The following MAP3K14 variants were observed in gnomAD, a reference collection of about 807,000 sequenced individuals.
MAP3K14 encodes the protein mitogen-activated protein kinase kinase kinase 14, also known as NF-kappa-beta-inducing kinase.
Under a neutral mutation model 99.2 loss-of-function variants are expected in MAP3K14, and 16 were observed. The ratio of observed to expected loss-of-function variants is 0.16; its 90% confidence interval spans 0.11 to 0.24. The LOEUF (loss-of-function observed/expected upper bound fraction) is 0.24. Among genes scored for constraint, MAP3K14 ranks in the 10% least tolerant of loss-of-function variants. The pLI is 1.00. For synonymous variants in MAP3K14, 462 were observed against 492.4 expected (o/e 0.94, Z 0.82); for missense variants, 784 against 1,208.7 (o/e 0.65, Z 5.21).
At chr17:45,312,040 G>A (rs1338297617) in intron 1 of MAP3K14, among the ~76,000 whole-genome samples, 2 of 152,212 alleles carry the variant, frequency 1.3e-5, no homozygotes, top group Non-Finnish European at 2.9e-5. Context: ...ATAGCCCTGG[G>A]GCTGGGATGA....
chr17:45,298,419 T>C (rs1170700718), intron 1 of MAP3K14, among the ~76,000 whole-genome samples: 2 of 152,156 alleles, frequency 1.3e-5, no homozygotes, highest in Non-Finnish European at 2.9e-5. Flanking sequence ...CCAGATTGGA[T>C]TTTAAAAGAT....
At chr17:45,301,168 A>G (rs1420850324) in intron 1 of MAP3K14, among the ~76,000 whole-genome samples, 2 of 129,604 alleles carry the variant, frequency 1.5e-5, no homozygotes, top group East Asian at 2.0e-4. Flanking sequence ...ATCCTGTTTC[A>G]AAAAAAAAAA....
At chr17:45,270,125 T>C (rs184771393) in intron 11 of MAP3K14, among the ~76,000 whole-genome samples, 2 of 152,296 alleles carry the variant, frequency 1.3e-5, no homozygotes, top group Non-Finnish European at 2.9e-5. Flanking sequence ...TCCCCACACA[T>C]GTGGTCACAG....
chr17:45,313,912 T>C (rs2044505918), intron 1 of MAP3K14, among the ~76,000 whole-genome samples: 1 of 152,202 alleles, frequency 6.6e-6, no homozygotes. Context: ...TTTCTCCTTA[T>C]GAGGCTTCAC....
intron 6 of MAP3K14, among the ~76,000 whole-genome samples, chr17:45,283,854 T>C (rs1369879525): frequency 6.6e-6 from 1 of 152,094 alleles, no homozygotes; most frequent in African/African-American, 2.4e-5. Context: ...GCGCCTTAGG[T>C]CCTGGTGCTG....
chr17:45,313,500 G>A (rs1233737083), intron 1 of MAP3K14, among the ~76,000 whole-genome samples: 3 of 152,066 alleles, frequency 2.0e-5, no homozygotes, highest in African/African-American at 7.2e-5. Context: ...ATTTGCTTGC[G>A]GGCACACAGG....
Position 45,289,224 on chromosome 17 carries a change from TC to T in MAP3K14, c.326+11del. On this transcript the variant is annotated intron_variant, in intron 3 of 15. Transcript: ENST00000344686. ...CCCCACCTTCCCACTCAGGCTTGTC[TC>T]CCCTGCTTACCTGTACTGTTTGGAC... The T allele has an allele frequency of 6.2e-7, 1 of 1,613,312 alleles. No homozygotes were observed. Among genetic ancestry groups the T allele is most frequent in the East Asian group, 2.2e-5 (1 of 44,864 alleles).
rs1239351334 is a variant in MAP3K14, at chr17:45,286,384, C to T, written c.1152+47G>A. The T allele has an allele frequency of 2.6e-6, 4 of 1,512,132 alleles. No homozygotes were observed. In the East Asian group the frequency reaches 9.3e-5, roughly 35 times the overall value. 93.7% of individuals were successfully genotyped at this position (1,512,132 alleles called of 1,614,324 possible). A position where few individuals can be genotyped will look rare whatever the true frequency, so the allele number is the denominator to read the frequency against. On this transcript the variant is annotated intron_variant, in intron 5 of 15. Transcript: ENST00000344686. This position sits in a 1 kb window ranked among gnomAD's most constrained non-coding sequence, Gnocchi z 4.1. ...CTGATAAAGAGAGAAAAGCATCCCC[C>T]AGGTTGCTGGTAGAGGGACATATAC...
intron 1 of MAP3K14, among the ~76,000 whole-genome samples, chr17:45,296,469 C>G (rs753345913): frequency 8.6e-5 from 13 of 151,942 alleles, no homozygotes; most frequent in Admixed American, 8.5e-4. Context: ...CATGACTGCA[C>G]CACCGCACTC....
Position 45,286,432 on chromosome 17 carries a change from T to G in MAP3K14, c.1151A>C (p.Glu384Ala). 1 of 1,585,898 alleles carries G rather than the reference T, an allele frequency of 6.3e-7. No individual in the cohort carries two copies. Among genetic ancestry groups the G allele is most frequent in the East Asian group, 2.3e-5 (1 of 44,244 alleles). ...TEDNEGVLLT[E>A]KLKPVDYEYR... is the part of the protein sequence containing the mutation. The stretch of plus-strand genomic sequence containing the variant: ...TACAGGTGCCGGGGGATTAGTTACC[T>G]CAGTGAGCAGGACACCCTCGTTGTC... The change falls in exon 5 of 16, where the codon GAG becomes GCG. Residue 384 changes from glutamate to alanine, a missense_variant and splice_region_variant. Transcript: ENST00000344686. The surrounding 1 kb of genome is among the most constrained non-coding windows in gnomAD (Gnocchi z 4.1).
intron 6 of MAP3K14, among the ~76,000 whole-genome samples, chr17:45,283,213 C>G (rs1329520568): frequency 6.6e-6 from 1 of 152,212 alleles, no homozygotes; most frequent in Non-Finnish European, 1.5e-5. Flanking sequence ...TTCACACTCT[C>G]ACACTCTCCT....
chr17:45,266,752 T>A (rs1357425957), intron 13 of MAP3K14, 71 bp from the exon 14 acceptor site: 1 of 1,521,838 alleles, frequency 6.6e-7, no homozygotes, highest in East Asian at 2.3e-5. Context: ...TGGGTCTCAT[T>A]TGGGGAAAAG....
intron 6 of MAP3K14, among the ~76,000 whole-genome samples, chr17:45,280,129 A>C (rs1314787154): frequency 6.6e-6 from 1 of 152,232 alleles, no homozygotes; most frequent in Non-Finnish European, 1.5e-5. Context: ...ATTATCCCAG[A>C]TCAGCAGCAG....
intron 6 of MAP3K14, among the ~76,000 whole-genome samples, chr17:45,281,476 G>A (rs2044222715): frequency 6.6e-6 from 1 of 150,516 alleles, no homozygotes; most frequent in Non-Finnish European, 1.5e-5. Context: ...CAAGTACCTG[G>A]GACTACAGGC....
At chr17:45,314,516 T>C (rs2044513230) in intron 1 of MAP3K14, among the ~76,000 whole-genome samples, 1 of 152,074 alleles carries the variant, frequency 6.6e-6, no homozygotes, top group Non-Finnish European at 1.5e-5. Context: ...CCAGTTTAAC[T>C]GAAATACTAA....
chr17:45,283,884 T>G (rs2044242904), intron 6 of MAP3K14, among the ~76,000 whole-genome samples: 1 of 152,086 alleles, frequency 6.6e-6, no homozygotes, highest in South Asian at 2.1e-4. Flanking sequence ...CCGAGAGCTT[T>G]GACTGGGGAC....
At chr17:45,278,763 C>T (rs2044198179) in intron 6 of MAP3K14, among the ~76,000 whole-genome samples, 2 of 151,700 alleles carry the variant, frequency 1.3e-5, no homozygotes, top group Middle Eastern at 3.4e-3. Context: ...ACTGCAGCCT[C>T]GACCTTCCCG....
chr17:45,281,057 G>T (rs1043904057), intron 6 of MAP3K14, among the ~76,000 whole-genome samples: 1 of 152,000 alleles, frequency 6.6e-6, no homozygotes, highest in Non-Finnish European at 1.5e-5. Context: ...ATTATTGCAT[G>T]AAAAAAACAT....
In MAP3K14 at chr17:45,289,325, A is replaced by G; in HGVS notation, c.257-20T>C. On this transcript the variant is annotated intron_variant, in intron 2 of 15. Coordinates refer to ENST00000344686, the MANE Select transcript of MAP3K14 (RefSeq NM_003954.5). ...TCTCACCTAAAGCAAAAGGAGTTGG[A>G]TTAGCAGAGAGGAGAAAAAATAGGA... The G allele has an allele frequency of 6.2e-7, 1 of 1,605,790 alleles. No individual in the cohort carries two copies. Among genetic ancestry groups the G allele is most frequent in the Non-Finnish European group, 8.5e-7 (1 of 1,172,450 alleles).
Sources: gnomAD v4.1 joint callset for allele counts (sites outside exome capture counted in the v4.1 genomes callset) on GRCh38, gnomAD v4.1.1 for gene constraint, Gnocchi (gnomAD v3.1) non-coding constraint, MANE v1.5 for transcripts, NCBI Gene and HGNC (gene_info 2026-07-23, HGNC 2026-07-21) for gene names.